MICU2: variants seen among roughly 807,000 people sequenced by gnomAD.
MICU2 encodes mitochondrial calcium uptake 2.
Under a neutral mutation model 60.4 loss-of-function variants are expected in MICU2, and 64 were observed. The ratio of observed to expected loss-of-function variants is 1.06; its 90% CI spans 0.87 to 1.31. MICU2 has a LOEUF of 1.31. Ranked by LOEUF, MICU2 falls within the 50% of genes most tolerant of loss-of-function variation. The pLI, the probability that MICU2 is intolerant of heterozygous loss-of-function variation, is 0.00. For missense variants in MICU2, 569 were observed against 531.0 expected (o/e 1.07, Z -0.70); for synonymous variants, 201 against 175.0 (o/e 1.15, Z -1.17).
intron 8 of MICU2, among the ~76,000 whole-genome samples, chr13:21,505,628 T>A (rs1886273843): frequency 6.6e-6 from 1 of 152,186 alleles, no homozygotes; most frequent in African/African-American, 2.4e-5. Flanking sequence ...CTTTAACTGA[T>A]GAGTTTCTTT....
intron 1 of MICU2, among the ~76,000 whole-genome samples, chr13:21,593,632 T>C (rs1593360642): frequency 7.4e-6 from 1 of 135,166 alleles, no homozygotes; most frequent in African/African-American, 2.8e-5. Flanking sequence ...CTTCAAACTA[T>C]GCTACAAGGC....
chr13:21,586,981 C>A (rs1888474264), intron 1 of MICU2, among the ~76,000 whole-genome samples: 2 of 152,328 alleles, frequency 1.3e-5, no homozygotes, highest in South Asian at 4.1e-4. Flanking sequence ...ATTTGTCTGA[C>A]ATTCCAGAGA....
chr13:21,566,936 A>T lies in MICU2; in HGVS notation c.219T>A (p.Val73=). 1.9e-6 allele frequency: 3 copies of T among 1,594,096 alleles called. No homozygotes were observed. Among genetic ancestry groups the T allele is most frequent in the Non-Finnish European group, 2.6e-6 (3 of 1,174,042 alleles). The change falls in exon 2 of 12, where the codon GTT becomes GTA. Residue 73 remains valine (V), a synonymous_variant. Transcript: ENST00000382374. The part of the protein sequence containing the change: ...GSFTVSAQKN[V]EHGIIYIGKP... ...TCCCAATATATATTATTCCATGTTCAACATTTTTCTAAAAGAAAAATAAAT... is the reference window on the plus strand; with the variant it reads ...TCCCAATATATATTATTCCATGTTCTACATTTTTCTAAAAGAAAAATAAAT...
chr13:21,559,772 G>C (rs1407806270), intron 2 of MICU2, among the ~76,000 whole-genome samples: 2 of 152,072 alleles, frequency 1.3e-5, no homozygotes, highest in Non-Finnish European at 2.9e-5. Context: ...TGATCCACCT[G>C]CCTTGGCCTC....
intron 4 of MICU2, among the ~76,000 whole-genome samples, chr13:21,524,938 CAT>C (rs1399714831): frequency 6.6e-6 from 1 of 152,184 alleles, no homozygotes; most frequent in Non-Finnish European, 1.5e-5. Flanking sequence ...CATACTGCAG[CAT>C]ATGTCAGCAT....
chr13:21,562,016 C>A (rs1392880902), intron 2 of MICU2, among the ~76,000 whole-genome samples: 5 of 150,702 alleles, frequency 3.3e-5, no homozygotes, highest in Admixed American at 3.3e-4. Flanking sequence ...CCAATTTCAT[C>A]CATGTCCCTA....
At chr13:21,517,793 ACACACACGCGCGCGCGCG>A (rs1886611173) in intron 6 of MICU2, among the ~76,000 whole-genome samples, 1 of 97,182 alleles carries the variant, frequency 1.0e-5, no homozygotes, top group South Asian at 3.1e-4. Flanking sequence ...ACACACACAC[ACACACACGCGCGCGCGCG>A]CGCACACGCG....
chr13:21,560,114 G>T (rs1233557488), intron 2 of MICU2, among the ~76,000 whole-genome samples: 1 of 151,710 alleles, frequency 6.6e-6, no homozygotes, highest in Non-Finnish European at 1.5e-5. Context: ...TTAAATTTTG[G>T]AAGTCTTTGG....
At chr13:21,521,959 T>G (rs899464744) in intron 5 of MICU2, among the ~76,000 whole-genome samples, 1 of 152,188 alleles carries the variant, frequency 6.6e-6, no homozygotes, top group South Asian at 2.1e-4. Context: ...TAATTTTTTT[T>G]GTAGAGATGG....
At chr13:21,552,131 T>C (rs1887584552) in intron 2 of MICU2, among the ~76,000 whole-genome samples, 2 of 152,178 alleles carry the variant, frequency 1.3e-5, no homozygotes, top group Non-Finnish European at 2.9e-5. Context: ...CCATTCTAAC[T>C]GGTGTGAGAT....
intron 1 of MICU2, among the ~76,000 whole-genome samples, chr13:21,584,734 A>G (rs1593356777): frequency 6.6e-6 from 1 of 152,184 alleles, no homozygotes; most frequent in South Asian, 2.1e-4. Context: ...TTGAGACAAT[A>G]TATTTACTAC....
At chr13:21,534,769 T>C (rs1158403100) in intron 4 of MICU2, among the ~76,000 whole-genome samples, 1 of 152,156 alleles carries the variant, frequency 6.6e-6, no homozygotes, top group Non-Finnish European at 1.5e-5. Flanking sequence ...AATAACCACA[T>C]ATATTTTTCC....
chr13:21,576,450 C>A (rs1888229628), intron 1 of MICU2, among the ~76,000 whole-genome samples: 1 of 151,980 alleles, frequency 6.6e-6, no homozygotes, highest in African/African-American at 2.4e-5. Context: ...CTAGGGATAA[C>A]AACATTTAGG....
At chr13:21,593,362 G>A (rs1888624291) in intron 1 of MICU2, among the ~76,000 whole-genome samples, 1 of 152,110 alleles carries the variant, frequency 6.6e-6, no homozygotes, top group Non-Finnish European at 1.5e-5. Context: ...TGAAATAAAA[G>A]AGGACATAAA....
At chr13:21,595,794 C>T (rs1303472689) in intron 1 of MICU2, among the ~76,000 whole-genome samples, 2 of 152,258 alleles carry the variant, frequency 1.3e-5, no homozygotes, top group African/African-American at 4.8e-5. Flanking sequence ...AAGGCTCAAT[C>T]CCTGCTTTGG....
chr13:21,521,954 T>G (rs1336870206), intron 5 of MICU2, among the ~76,000 whole-genome samples: 1 of 152,204 alleles, frequency 6.6e-6, no homozygotes, highest in East Asian at 1.9e-4. Context: ...ATTTTTAATT[T>G]TTTTTGTAGA....
At chr13:21,530,994 G>A in intron 4 of MICU2, 1 of 793,246 alleles carries the variant, frequency 1.3e-6, no homozygotes, top group South Asian at 1.4e-5. Context: ...GATTAAACTA[G>A]TACCACATAA....
At chr13:21,565,755 C>T (rs1887966273) in intron 2 of MICU2, among the ~76,000 whole-genome samples, 1 of 152,186 alleles carries the variant, frequency 6.6e-6, no homozygotes, top group African/African-American at 2.4e-5. Context: ...ATTGCTTGAA[C>T]CCGGGAGGCG....
At chr13:21,597,615 C>T (rs549896222) in intron 1 of MICU2, among the ~76,000 whole-genome samples, 10 of 151,956 alleles carry the variant, frequency 6.6e-5, no homozygotes, top group South Asian at 2.1e-4. Flanking sequence ...TAAGGGGAGA[C>T]GAAATAAACA....
Sources: gnomAD v4.1 joint callset for allele counts (sites outside exome capture counted in the v4.1 genomes callset) on GRCh38, gnomAD v4.1.1 for gene constraint, MANE v1.5 for transcripts, NCBI Gene and HGNC (gene_info 2026-07-23, HGNC 2026-07-21) for gene names.